The following PRKG1 variants were observed in gnomAD, a reference collection of about 807,000 sequenced individuals.
PRKG1 encodes cGMP-dependent protein kinase 1.
In PRKG1, 35 loss-of-function variants were observed where a neutral mutation model predicts 88.1. That is an observed-to-expected ratio of 0.40 (90% CI 0.30 to 0.53). PRKG1 has a LOEUF of 0.53. Ranked by LOEUF, PRKG1 falls within the 20% of genes least tolerant of loss-of-function variation. PRKG1 has a pLI of 0.59. For missense variants in PRKG1, 540 were observed against 839.8 expected, an observed-to-expected ratio of 0.64 and a Z score of 4.41; for synonymous variants, 303 against 292.5, an observed-to-expected ratio of 1.04 and a Z score of -0.37.
chr10:51,654,486 G>A (rs1451691398), intron 3 of PRKG1, among the ~76,000 whole-genome samples: 1 of 152,036 alleles, frequency 6.6e-6, no homozygotes, highest in Non-Finnish European at 1.5e-5. Flanking sequence ...GCATTTTGCT[G>A]AAGATTCCTT....
intron 1 of PRKG1, chr10:51,062,440 C>T (rs1307253528): frequency 1.3e-5 from 2 of 152,152 alleles, no homozygotes; most frequent in Non-Finnish European, 2.9e-5. Context: ...GATATTGGCC[C>T]CTCAATTCCT....
At chr10:52,073,328 C>T (rs921586397) in intron 7 of PRKG1, among the ~76,000 whole-genome samples, 1 of 152,232 alleles carries the variant, frequency 6.6e-6, no homozygotes, top group East Asian at 1.9e-4. Context: ...TTCGACATAT[C>T]TTTTGGGAGG....
chr10:51,158,304 T>G (rs974777788), intron 2 of PRKG1, among the ~76,000 whole-genome samples: 2 of 151,976 alleles, frequency 1.3e-5, no homozygotes, highest in African/African-American at 4.8e-5. Flanking sequence ...TGGTCAAGAC[T>G]ATGCAATCAG....
rs965011674 is a variant in PRKG1 at position 51,678,446 on chromosome 10, C to T, written c.593-126139C>T. Among the ~76,000 whole-genome samples the T allele has an allele frequency of 2.6e-4, 39 of 152,152 alleles. 1 individual carries two copies. The highest frequency in any genetic ancestry group is 1.0e-4 in the Non-Finnish European group (7 of 68,012). On this transcript the variant is annotated intron_variant, in intron 3 of 17. Coordinates refer to ENST00000373980, the MANE Select transcript of PRKG1 (RefSeq NM_006258.4). ...AAAATTCTTAGCATACACCACCACC[C>T]TAGATCTACTTAAGTCTGAATCCCT...
chr10:52,046,727 G>C lies in PRKG1; in HGVS notation c.763-7757G>C, dbSNP rs1278547276. ...ATGCTATGCTGACTCTCTAATTGTT[G>C]ACTGTGTCTTGTGTATCTTTGCAGC... On this transcript the variant is annotated intron_variant, in intron 5 of 17. Transcript: ENST00000373980. 2.0e-5 allele frequency: 3 copies of C among 152,104 alleles called. No individual in the cohort carries two copies. In the East Asian group the frequency reaches 5.8e-4, roughly 29 times the overall value. 9.4% of individuals were successfully genotyped at this position (152,104 alleles called of 1,614,324 possible). A position where few individuals can be genotyped will look rare whatever the true frequency, so the allele number is the denominator to read the frequency against.
chr10:52,280,699 A>G, intron 12 of PRKG1, 90 bp from the exon 13 acceptor site: 1 of 1,422,234 alleles, frequency 7.0e-7, no homozygotes. Context: ...AATTTTGGCA[A>G]AGGAATATAG....
intron 17 of PRKG1, among the ~76,000 whole-genome samples, chr10:52,292,245 G>A (rs1447922119): frequency 6.6e-6 from 1 of 150,860 alleles, no homozygotes; most frequent in Non-Finnish European, 1.5e-5. Context: ...TTCTTTTGCA[G>A]TGCAGGAGCT....
At chr10:51,263,158 G>T (rs1002695039) in intron 2 of PRKG1, among the ~76,000 whole-genome samples, 7 of 152,072 alleles carry the variant, frequency 4.6e-5, no homozygotes, top group Non-Finnish European at 7.4e-5. Context: ...GTGTGGTTAG[G>T]GTTTAATGTT....
intron 1 of PRKG1, among the ~76,000 whole-genome samples, chr10:51,087,186 T>C (rs1018469175): frequency 3.3e-5 from 5 of 151,800 alleles, no homozygotes; most frequent in African/African-American, 1.2e-4. Context: ...TTTTTCTTCA[T>C]TTTTTTTCTG....
At chr10:51,803,033 G>A (rs10823626) in intron 3 of PRKG1, among the ~76,000 whole-genome samples, 98,424 of 151,786 alleles carry the variant, frequency 0.65, 32,155 homozygotes, top group Middle Eastern at 0.75. Flanking sequence ...TTGTAGCTCA[G>A]CTCCCACCAC....
intron 1 of PRKG1, among the ~76,000 whole-genome samples, chr10:51,033,624 C>T (rs1843315707): frequency 6.6e-6 from 1 of 152,072 alleles, no homozygotes; most frequent in South Asian, 2.1e-4. Context: ...ACCACACGGC[C>T]CTCTAGACAC....
intron 9 of PRKG1, among the ~76,000 whole-genome samples, chr10:52,244,728 AT>A (rs1840962093): frequency 6.9e-6 from 1 of 144,200 alleles, no homozygotes; most frequent in Non-Finnish European, 1.5e-5. Flanking sequence ...TTAAAAATAT[AT>A]ACTTTAATAT....
At chr10:52,152,111 A>G (rs1837944577) in intron 8 of PRKG1, among the ~76,000 whole-genome samples, 1 of 152,174 alleles carries the variant, frequency 6.6e-6, no homozygotes, top group Non-Finnish European at 1.5e-5. Context: ...GAGGACTTTT[A>G]ACTCATATAT....
intron 7 of PRKG1, among the ~76,000 whole-genome samples, chr10:52,083,467 G>A (rs962932237): frequency 7.9e-5 from 12 of 151,998 alleles, no homozygotes; most frequent in African/African-American, 2.9e-4. Context: ...ATGTGATCCG[G>A]AACACTTTAG....
chr10:51,639,408 T>G (rs1266332240), intron 3 of PRKG1, among the ~76,000 whole-genome samples: 1 of 114,090 alleles, frequency 8.8e-6, no homozygotes, highest in Non-Finnish European at 1.6e-5. Flanking sequence ...CACTCCAGCC[T>G]GGGCGGCGAC....
chr10:51,920,483 A>T (rs1398212634), intron 5 of PRKG1, among the ~76,000 whole-genome samples: 2 of 152,152 alleles, frequency 1.3e-5, no homozygotes, highest in Non-Finnish European at 2.9e-5. Flanking sequence ...ACAATCTTAC[A>T]GTGTTCATGT....
chr10:51,300,843 C>T (rs1253259101), intron 2 of PRKG1, among the ~76,000 whole-genome samples: 1 of 152,244 alleles, frequency 6.6e-6, no homozygotes, highest in Non-Finnish European at 1.5e-5. Flanking sequence ...TGTGTTGATT[C>T]CTTTCAGAAG....
chr10:51,585,960 A>C (rs1838161369), intron 3 of PRKG1, among the ~76,000 whole-genome samples: 1 of 152,114 alleles, frequency 6.6e-6, no homozygotes, highest in Admixed American at 6.6e-5. Flanking sequence ...AACGCTAGAC[A>C]CTGGGGACTA....
intron 7 of PRKG1, chr10:52,062,841 T>C: frequency 1.4e-6 from 1 of 713,980 alleles, no homozygotes; most frequent in Non-Finnish European, 2.6e-6. Flanking sequence ...TAATTTCTAA[T>C]AAATCAGTGT....
Sources: allele counts gnomAD v4.1 joint callset (sites outside exome capture counted in the v4.1 genomes callset), GRCh38; gene constraint gnomAD v4.1.1; transcripts MANE v1.5; gene names NCBI Gene and HGNC (gene_info 2026-07-23, HGNC 2026-07-21).